The following ACSL5 variants were observed in gnomAD, a reference collection of about 807,000 sequenced individuals.
The protein encoded by ACSL5 is long-chain-fatty-acid--CoA ligase 5.
A neutral mutation model predicts 84.9 loss-of-function variants in ACSL5; 50 were observed. The ratio of observed to expected loss-of-function variants is 0.59; its 90% confidence interval spans 0.47 to 0.75. The LOEUF (loss-of-function observed/expected upper bound fraction) is 0.75, where lower values mean the gene tolerates loss of function less well. ACSL5 is among the 30% of genes least tolerant of loss of function. The pLI is 0.00. For synonymous variants in ACSL5, 280 were observed against 300.7 expected (o/e 0.93, Z 0.71); for missense variants, 775 against 830.4 (o/e 0.93, Z 0.82).
intron 14 of ACSL5, chr10:112,419,807 C>T (rs1844412756): frequency 6.6e-6 from 1 of 152,172 alleles, no homozygotes; most frequent in South Asian, 2.1e-4. Context: ...TTTTAAACTG[C>T]TTAGACAGGA....
At chr10:112,413,064 C>T in intron 11 of ACSL5, 109 bp from the exon 12 acceptor site, 1 of 1,205,302 alleles carries the variant, frequency 8.3e-7, no homozygotes, top group Non-Finnish European at 1.2e-6. Flanking sequence ...AGACAGGTCC[C>T]CACTGAAGGG....
chr10:112,397,441 A>G (rs1282063628), intron 2 of ACSL5, among the ~76,000 whole-genome samples: 1 of 152,100 alleles, frequency 6.6e-6, no homozygotes, highest in Non-Finnish European at 1.5e-5. Flanking sequence ...AAGTGCTGAA[A>G]TTACAGGCGT....
chr10:112,398,727 C>T (rs916463250), intron 2 of ACSL5, among the ~76,000 whole-genome samples, 174 bp from the exon 3 acceptor site: 3 of 152,158 alleles, frequency 2.0e-5, no homozygotes, highest in Non-Finnish European at 4.4e-5. Context: ...TCTAAAATGT[C>T]TACGATGTAA....
chr10:112,408,666 T>A, intron 6 of ACSL5, 145 bp downstream of exon 6: 1 of 628,158 alleles, frequency 1.6e-6, no homozygotes, highest in South Asian at 1.9e-5. Flanking sequence ...TCTAGTTTTG[T>A]AGTACTTAGG....
At position 112,422,044 on chromosome 10, in the gene ACSL5, G is replaced by T. The variant is rs200300655; in HGVS notation, c.1476+9G>T. 6.2e-7 allele frequency: 1 copy of T among 1,613,716 alleles called. No individual in the cohort carries two copies. Among genetic ancestry groups the T allele is most frequent in the East Asian group, 2.2e-5 (1 of 44,878 alleles). On this transcript the variant is annotated intron_variant, in intron 16 of 20. Transcript: ENST00000354655. ...TGAATAATGAAGGAGAGGTGGGTAG[G>T]TCATGCCCTGTGGTCAGACAGTCAT...
Position 112,398,918 on chromosome 10 carries a change from G to C in ACSL5, c.174G>C (p.Gly58=), listed in dbSNP as rs766884951. The part of the protein sequence containing the change: ...SVGIEGGARK[G]VSQKNNDLTS... Reference sequence around the variant, plus strand: ...TGTCTTAGGGAGGAGCACGGAAGGGGGTTTCCCAGAAGAACAATGACCTAA... The same window carrying C: ...TGTCTTAGGGAGGAGCACGGAAGGGCGTTTCCCAGAAGAACAATGACCTAA... Residue 58 remains glycine, a synonymous_variant, in exon 3 of 21, where the codon GGG becomes GGC. Coordinates refer to ENST00000354655, the MANE Select transcript of ACSL5 (RefSeq NM_203379.2). The C allele has an allele frequency of 1.2e-6, 2 of 1,614,062 alleles. No homozygotes were observed. The highest frequency in any genetic ancestry group is 8.5e-7 in the Non-Finnish European group (1 of 1,179,986).
chr10:112,404,842 A>G (rs765549457), intron 5 of ACSL5, 36 bp downstream of exon 5: 4 of 1,559,118 alleles, frequency 2.6e-6, no homozygotes, highest in Non-Finnish European at 3.5e-6. Flanking sequence ...GAAATGAGTC[A>G]GGGTTAAGTT....
chr10:112,410,895 G>A (rs545233087), intron 9 of ACSL5, among the ~76,000 whole-genome samples: 4 of 150,526 alleles, frequency 2.7e-5, no homozygotes, highest in South Asian at 2.1e-4. Flanking sequence ...CCTTTCCCCC[G>A]CCCCCACCAA....
intron 14 of ACSL5, among the ~76,000 whole-genome samples, chr10:112,420,391 C>A (rs1014507995): frequency 6.2e-4 from 94 of 152,130 alleles, no homozygotes; most frequent in African/African-American, 2.2e-3. Flanking sequence ...AAATATTATT[C>A]AAATACAGCT....
intron 1 of ACSL5, among the ~76,000 whole-genome samples, chr10:112,392,517 G>A (rs550772967): frequency 2.9e-4 from 44 of 152,224 alleles, no homozygotes; most frequent in Admixed American, 1.0e-3. Context: ...CAAGGCAGGC[G>A]GATCACGAGG....
intron 1 of ACSL5, among the ~76,000 whole-genome samples, chr10:112,392,690 G>A (rs1002153210): frequency 6.7e-6 from 1 of 150,140 alleles, no homozygotes; most frequent in Non-Finnish European, 1.5e-5. Flanking sequence ...GCAGTGAGTC[G>A]AGATTGTACC....
chr10:112,404,837 G>T (rs1426754223), intron 5 of ACSL5, 31 bp downstream of exon 5: 2 of 1,570,442 alleles, frequency 1.3e-6, no homozygotes, highest in Non-Finnish European at 8.7e-7. Flanking sequence ...TAAAGGAAAT[G>T]AGTCAGGGTT....
chr10:112,403,250 G>A lies in ACSL5; in HGVS notation c.266-1261G>A, dbSNP rs368175765. ...AGCTGTTAAAGAAACTTAGACTATA[G>A]TAATAACTTTTCAAACCTATCAAAC... On this transcript the variant is annotated intron_variant, in intron 3 of 20. Coordinates refer to ENST00000354655, the MANE Select transcript of ACSL5 (RefSeq NM_203379.2). Among the ~76,000 whole-genome samples, 20 of 152,318 alleles carry A rather than the reference G, an allele frequency of 1.3e-4. 2 individuals carry two copies. The South Asian group carries it at 3.9e-3, about 30-fold the overall frequency.
chr10:112,421,816 C>A, intron 15 of ACSL5, 131 bp from the exon 16 acceptor site: 1 of 1,280,926 alleles, frequency 7.8e-7, no homozygotes, highest in Non-Finnish European at 1.1e-6. Context: ...CCTATCTTGG[C>A]TAGTCTGCAT....
chr10:112,391,091 A>T (rs1849552839), intron 1 of ACSL5, among the ~76,000 whole-genome samples: 1 of 152,186 alleles, frequency 6.6e-6, no homozygotes, highest in Admixed American at 6.5e-5. Flanking sequence ...TTAAAAATTG[A>T]GGAAGGGCCA....
Position 112,410,297 on chromosome 10 carries a change from G to C in ACSL5, c.712-166G>C, listed in dbSNP as rs745662178. 44 of 1,546,924 alleles carry C rather than the reference G, an allele frequency of 2.8e-5. No homozygotes were observed. The Admixed American group carries it at 4.1e-4, about 15-fold the overall frequency. ...AGAGAAATCTTATGCTCTTCCCTGG[G>C]GCTTCCATTGTTCCTGAATGTTGGC... On this transcript the variant is annotated intron_variant, in intron 7 of 20. Transcript: ENST00000354655.
At chr10:112,403,225 A>G (rs1446863661) in intron 3 of ACSL5, among the ~76,000 whole-genome samples, 1 of 152,268 alleles carries the variant, frequency 6.6e-6, no homozygotes, top group African/African-American at 2.4e-5. Context: ...CCACTTTACT[A>G]GCTGTTAAAG....
chr10:112,423,846 C>T lies in ACSL5; in HGVS notation c.1593+1405C>T, dbSNP rs56382710. Among the ~76,000 whole-genome samples, 1,161 of 152,176 alleles carry T rather than the reference C, an allele frequency of 7.6e-3. 9 individuals carry two copies. The highest frequency in any genetic ancestry group is 0.024 in the South Asian group (116 of 4,824). On this transcript the variant is annotated intron_variant, in intron 17 of 20. Coordinates refer to ENST00000354655, the MANE Select transcript of ACSL5 (RefSeq NM_203379.2). ...TTGAGGCAGAAGTTGTGGTTTGAAG[C>T]CAAGTGTGGCAGCTCACGCCTATAA...
intron 3 of ACSL5, among the ~76,000 whole-genome samples, chr10:112,402,378 G>A (rs1258682758): frequency 6.6e-6 from 1 of 152,166 alleles, no homozygotes; most frequent in Non-Finnish European, 1.5e-5. Flanking sequence ...TAATAGCTGG[G>A]AAGATGAGTT....
Sources: gnomAD v4.1 joint callset for allele counts (sites outside exome capture counted in the v4.1 genomes callset) on GRCh38, gnomAD v4.1.1 for gene constraint, MANE v1.5 for transcripts, NCBI Gene and HGNC (gene_info 2026-07-23, HGNC 2026-07-21) for gene names.